NRG3: variants seen among roughly 807,000 people sequenced by gnomAD.
The protein encoded by NRG3 is neuregulin 3.
Under a neutral mutation model 66.9 loss-of-function variants are expected in NRG3, and 31 were observed. That is an observed-to-expected ratio of 0.46 (90% CI 0.35 to 0.63). The LOEUF is 0.63. NRG3 is among the 20% of genes least tolerant of loss of function. The pLI is 0.00. For missense variants in NRG3, 910 were observed against 878.9 expected, an observed-to-expected ratio of 1.04 and a Z score of -0.45; for synonymous variants, 393 against 359.4, an observed-to-expected ratio of 1.09 and a Z score of -1.06.
At chr10:82,252,637 T>G (rs895590877) in intron 1 of NRG3, among the ~76,000 whole-genome samples, 2 of 152,230 alleles carry the variant, frequency 1.3e-5, no homozygotes, top group African/African-American at 2.4e-5. Context: ...TTTTTTCTAT[T>G]TCCAAAGTAT....
chr10:82,513,660 G>C (rs1321624334), intron 2 of NRG3, among the ~76,000 whole-genome samples: 2 of 152,144 alleles, frequency 1.3e-5, no homozygotes, highest in African/African-American at 4.8e-5. Context: ...CACACCTGTA[G>C]TCCCAGCTAA....
chr10:82,806,430 A>G (rs1294738930), intron 3 of NRG3, among the ~76,000 whole-genome samples: 1 of 152,220 alleles, frequency 6.6e-6, no homozygotes, highest in Non-Finnish European at 1.5e-5. Flanking sequence ...ACTAAAGACA[A>G]AAATCCTGAC....
chr10:82,289,111 G>C (rs370233268), intron 1 of NRG3, among the ~76,000 whole-genome samples: 2 of 152,062 alleles, frequency 1.3e-5, no homozygotes, highest in Non-Finnish European at 2.9e-5. Context: ...GCTTTTCTGT[G>C]GTATAAGGTC....
In NRG3 at chr10:82,783,409, A is replaced by G. The variant is rs1444019796; in HGVS notation, c.1027+44759A>G. On this transcript the variant is annotated intron_variant, in intron 3 of 8. Coordinates refer to ENST00000372141, the MANE Select transcript of NRG3 (RefSeq NM_001010848.4). Reference sequence around the variant, plus strand: ...GGGTATTCAATTAGGAAAAGAGGAAATCAAATTGTCCCTGTTTGCAGATGA... The same window carrying G: ...GGGTATTCAATTAGGAAAAGAGGAAGTCAAATTGTCCCTGTTTGCAGATGA... 5.9e-5 allele frequency among the ~76,000 whole-genome samples: 9 copies of G among 151,262 alleles called. 1 individual carries two copies. The highest frequency in any genetic ancestry group is 3.9e-4 in the East Asian group (2 of 5,130).
At position 82,208,648 on chromosome 10, in the gene NRG3, G is replaced by C. The variant is rs1308655982; in HGVS notation, c.824-150091G>C. Among the ~76,000 whole-genome samples the C allele has an allele frequency of 2.0e-5, 3 of 151,000 alleles. No individual in the cohort carries two copies. In the East Asian group the frequency reaches 5.8e-4, roughly 29 times the overall value. ...AGGAAAAAGTGTTTAAAACACGTAT[G>C]AGGGGAAAAAAAAAAACTACAGGAA... is the stretch of plus-strand genomic sequence containing the variant. On this transcript the variant is annotated intron_variant, in intron 1 of 8. Transcript: ENST00000372141.
chr10:82,739,782 G>T (rs2058331580), intron 3 of NRG3, among the ~76,000 whole-genome samples: 1 of 152,008 alleles, frequency 6.6e-6, no homozygotes, highest in South Asian at 2.1e-4. Context: ...GTTGCCACAG[G>T]GATATCTCTA....
intron 2 of NRG3, among the ~76,000 whole-genome samples, chr10:82,590,712 G>C (rs1415799376): frequency 6.6e-6 from 1 of 152,182 alleles, no homozygotes; most frequent in Non-Finnish European, 1.5e-5. Context: ...AAGTGAGGCA[G>C]CTGGGATTCT....
At chr10:82,561,187 T>C (rs2045018662) in intron 2 of NRG3, among the ~76,000 whole-genome samples, 1 of 152,220 alleles carries the variant, frequency 6.6e-6, no homozygotes, top group Non-Finnish European at 1.5e-5. Context: ...AAAGGAAGTA[T>C]GTTGTTTTAA....
chr10:82,131,632 T>C (rs1241638147), intron 1 of NRG3, among the ~76,000 whole-genome samples: 2 of 152,124 alleles, frequency 1.3e-5, no homozygotes, highest in Non-Finnish European at 2.9e-5. Context: ...TTTGGGTAGT[T>C]TGGCATTTTA....
At chr10:82,785,583 T>A (rs1195789331) in intron 3 of NRG3, among the ~76,000 whole-genome samples, 1 of 152,008 alleles carries the variant, frequency 6.6e-6, no homozygotes. Context: ...TTGCAAAGAA[T>A]ATGGTGGAAT....
rs182516700 is a variant in NRG3, at chr10:82,014,470, C to T, written c.823+138307C>T. ...GCCTCGGCAATAAAATAGCTAAACA[C>T]CATCACAGAGTGTATAGAGTTCTCA... On this transcript the variant is annotated intron_variant, in intron 1 of 8. Coordinates refer to ENST00000372141, the MANE Select transcript of NRG3 (RefSeq NM_001010848.4). 2.6e-5 allele frequency among the ~76,000 whole-genome samples: 4 copies of T among 152,274 alleles called. No individual in the cohort carries two copies. In the East Asian group the frequency reaches 5.8e-4, roughly 22 times the overall value.
chr10:82,963,859 C>T (rs146541143), intron 6 of NRG3, among the ~76,000 whole-genome samples: 2 of 152,096 alleles, frequency 1.3e-5, no homozygotes, highest in Non-Finnish European at 2.9e-5. Context: ...ATCCCACACT[C>T]TGTCTCTCTG....
intron 2 of NRG3, among the ~76,000 whole-genome samples, chr10:82,604,561 G>A (rs2047841803): frequency 6.6e-6 from 1 of 152,070 alleles, no homozygotes; most frequent in Non-Finnish European, 1.5e-5. Flanking sequence ...CGAGTGCAAT[G>A]TTTGGATCAC....
chr10:82,534,177 A>G (rs1847581495), intron 2 of NRG3, among the ~76,000 whole-genome samples: 2 of 151,714 alleles, frequency 1.3e-5, no homozygotes, highest in South Asian at 4.1e-4. Context: ...TAAGACATCC[A>G]TACTACTACC....
intron 2 of NRG3, among the ~76,000 whole-genome samples, chr10:82,628,162 T>A (rs2049553291): frequency 6.6e-6 from 1 of 152,214 alleles, no homozygotes; most frequent in Admixed American, 6.5e-5. Flanking sequence ...ATGTTTTACA[T>A]ATTTTCATGT....
chr10:82,204,602 C>T (rs959135618), intron 1 of NRG3, among the ~76,000 whole-genome samples: 17 of 152,132 alleles, frequency 1.1e-4, no homozygotes, highest in African/African-American at 3.6e-4. Context: ...AATCTAGTTT[C>T]TTCATTTGTT....
At chr10:82,005,557 C>T (rs2061345670) in intron 1 of NRG3, among the ~76,000 whole-genome samples, 1 of 152,112 alleles carries the variant, frequency 6.6e-6, no homozygotes, top group Non-Finnish European at 1.5e-5. Flanking sequence ...AAGCAATAAT[C>T]GATCAACTAA....
intron 2 of NRG3, among the ~76,000 whole-genome samples, chr10:82,656,220 A>G (rs1026017790): frequency 2.6e-5 from 4 of 152,096 alleles, no homozygotes; most frequent in African/African-American, 9.7e-5. Flanking sequence ...AAATTGAGCA[A>G]TATATTGAAA....
chr10:82,199,061 C>G (rs1490537419), intron 1 of NRG3, among the ~76,000 whole-genome samples: 1 of 147,972 alleles, frequency 6.8e-6, no homozygotes, highest in Non-Finnish European at 1.5e-5. Flanking sequence ...CCCAGCTACA[C>G]AGGAGGCTGA....
Sources: gnomAD v4.1 joint callset for allele counts (sites outside exome capture counted in the v4.1 genomes callset) on GRCh38, gnomAD v4.1.1 for gene constraint, MANE v1.5 for transcripts, NCBI Gene and HGNC (gene_info 2026-07-23, HGNC 2026-07-21) for gene names.